Variants in OSTN observed in about 807,000 individuals in gnomAD.
OSTN encodes osteocrin.
OSTN carries 9 observed loss-of-function variants against 12.0 expected under a neutral mutation model. That is an observed-to-expected ratio of 0.75 (90% CI 0.45 to 1.30). OSTN has a LOEUF of 1.30. Among genes scored for constraint, OSTN ranks in the 50% most tolerant of loss-of-function variants. The probability of loss-of-function intolerance (pLI) is 0.00; values close to 1 mark genes in which losing one functional copy is unlikely to be tolerated. For missense variants in OSTN, 148 were observed against 152.3 expected, an observed-to-expected ratio of 0.97 and a Z score of 0.15; for synonymous variants, 59 against 56.9, an observed-to-expected ratio of 1.04 and a Z score of -0.16.
chr3:191,263,552 TA>T lies in OSTN; in HGVS notation c.*701del, dbSNP rs1161329298. The stretch of plus-strand genomic sequence containing the variant: ...CAGTAGTGTCTCATTAGGAGGGGAG[TA>T]AGCTCACACAGAGGTAAAAATGAAA... On this transcript the variant is annotated 3_prime_UTR_variant, in exon 5 of 5. Transcript: ENST00000682035. 6.6e-6 allele frequency: 1 copy of T among 151,944 alleles called. No individual in the cohort carries two copies. Among genetic ancestry groups the T allele is most frequent in the Non-Finnish European group, 1.5e-5 (1 of 67,986 alleles). The allele number at this position is 151,944 out of a possible 1,614,324, so 9.4% of individuals were successfully genotyped here.
At chr3:191,246,014 C>T (rs1715421819) in intron 3 of OSTN, among the ~76,000 whole-genome samples, 1 of 125,592 alleles carries the variant, frequency 8.0e-6, no homozygotes, top group African/African-American at 3.1e-5. Context: ...TTGCCGTGAA[C>T]TGAGATTGTG....
chr3:191,223,756 A>G (rs1394843441), intron 3 of OSTN, among the ~76,000 whole-genome samples: 1 of 152,118 alleles, frequency 6.6e-6, no homozygotes, highest in Non-Finnish European at 1.5e-5. Flanking sequence ...TATGAAAAAA[A>G]GCACGATAAA....
At chr3:191,216,128 C>T (rs1171504076) in intron 2 of OSTN, among the ~76,000 whole-genome samples, 1 of 152,116 alleles carries the variant, frequency 6.6e-6, no homozygotes, top group Admixed American at 6.5e-5. Flanking sequence ...AGCAGGCCCC[C>T]AAACATGTGT....
chr3:191,239,216 C>T (rs181163865), intron 3 of OSTN, among the ~76,000 whole-genome samples: 152 of 152,290 alleles, frequency 1.0e-3, no homozygotes, highest in African/African-American at 3.6e-3. Flanking sequence ...AGTGTGGGAG[C>T]GGGCCTGAGC....
At chr3:191,245,330 A>G (rs1256844907) in intron 3 of OSTN, among the ~76,000 whole-genome samples, 3 of 151,802 alleles carry the variant, frequency 2.0e-5, no homozygotes, top group African/African-American at 7.3e-5. Context: ...TAATGCATGA[A>G]ACAATCAAAT....
At chr3:191,199,610 G>A (rs937966870) in intron 1 of OSTN, among the ~76,000 whole-genome samples, 2 of 151,922 alleles carry the variant, frequency 1.3e-5, no homozygotes, top group Non-Finnish European at 2.9e-5. Flanking sequence ...GCGTTATTTT[G>A]CTTTCCTCAA....
chr3:191,261,373 T>C (rs1715806253), intron 4 of OSTN, among the ~76,000 whole-genome samples: 1 of 152,194 alleles, frequency 6.6e-6, no homozygotes, highest in Admixed American at 6.5e-5. Flanking sequence ...GCTCAGAGCA[T>C]GGCCAAAAAC....
intron 3 of OSTN, among the ~76,000 whole-genome samples, chr3:191,237,412 A>C (rs1715217623): frequency 6.6e-6 from 1 of 152,204 alleles, no homozygotes; most frequent in Admixed American, 6.6e-5. Context: ...CATAAAGCAG[A>C]AGAAGAAAGC....
chr3:191,244,722 T>A (rs1715391950), intron 3 of OSTN, among the ~76,000 whole-genome samples: 1 of 150,096 alleles, frequency 6.7e-6, no homozygotes, highest in South Asian at 2.1e-4. Flanking sequence ...ACCAGGCTAT[T>A]ATGGTTTCTG....
At chr3:191,223,804 A>G (rs185455392) in intron 3 of OSTN, among the ~76,000 whole-genome samples, 132 of 152,260 alleles carry the variant, frequency 8.7e-4, no homozygotes, top group Admixed American at 1.6e-3. Context: ...ATAAACTCAT[A>G]TGTAAGTTTT....
intron 3 of OSTN, among the ~76,000 whole-genome samples, chr3:191,224,706 C>A (rs955410220): frequency 6.6e-6 from 1 of 152,016 alleles, no homozygotes; most frequent in Non-Finnish European, 1.5e-5. Flanking sequence ...AACAAGAAGA[C>A]AGTCTTACCT....
At chr3:191,236,122 C>A (rs1715181879) in intron 3 of OSTN, among the ~76,000 whole-genome samples, 1 of 152,196 alleles carries the variant, frequency 6.6e-6, no homozygotes, top group African/African-American at 2.4e-5. Flanking sequence ...AAGTTTGTAG[C>A]AACCTCCTTT....
At chr3:191,222,735 T>G (rs1283193669) in intron 3 of OSTN, among the ~76,000 whole-genome samples, 1 of 152,076 alleles carries the variant, frequency 6.6e-6, no homozygotes, top group Non-Finnish European at 1.5e-5. Flanking sequence ...CCCATCCAAA[T>G]GTTGTCTTGA....
At chr3:191,235,307 A>G (rs1715162074) in intron 3 of OSTN, among the ~76,000 whole-genome samples, 1 of 152,196 alleles carries the variant, frequency 6.6e-6, no homozygotes, top group Non-Finnish European at 1.5e-5. Context: ...CATGAATACT[A>G]ATAAAGCTTC....
chr3:191,227,607 C>T (rs1231636786), intron 3 of OSTN, among the ~76,000 whole-genome samples: 1 of 152,040 alleles, frequency 6.6e-6, no homozygotes, highest in Admixed American at 6.6e-5. Flanking sequence ...AAACAAAATA[C>T]AGAAAAATTT....
intron 1 of OSTN, among the ~76,000 whole-genome samples, chr3:191,203,065 A>T (rs926712325): frequency 3.9e-5 from 6 of 152,256 alleles, no homozygotes; most frequent in African/African-American, 1.4e-4. Flanking sequence ...TAATGGATGT[A>T]TCAGGATTCC....
At position 191,212,767 on chromosome 3, in the gene OSTN, TATC is replaced by T. The variant is rs1270915148; in HGVS notation, c.102+136_102+138del. ...ATATAATTTATATATTTATATATCA[TATC>T]ATATATTTTATATAGAATATATATT... is the stretch of plus-strand genomic sequence containing the variant. On this transcript the variant is annotated intron_variant, in intron 2 of 4. Transcript: ENST00000682035. The T allele has an allele frequency of 2.8e-3, 439 of 157,986 alleles. 1 individual carries two copies. The highest frequency in any genetic ancestry group is 4.0e-3 in the Non-Finnish European group (356 of 88,200). The allele number at this position is 157,986 out of a possible 1,614,324, so 9.8% of individuals were successfully genotyped here.
At chr3:191,203,854 G>A (rs754740029) in intron 1 of OSTN, among the ~76,000 whole-genome samples, 5 of 152,240 alleles carry the variant, frequency 3.3e-5, no homozygotes, top group Middle Eastern at 6.8e-3. Flanking sequence ...AGAGCACTGA[G>A]AAATGGGAAG....
intron 1 of OSTN, among the ~76,000 whole-genome samples, chr3:191,206,387 C>G (rs1420739469): frequency 6.6e-6 from 1 of 152,064 alleles, no homozygotes; most frequent in Non-Finnish European, 1.5e-5. Context: ...ATCCCAAAAT[C>G]AAAGATTTGG....
Sources: gnomAD v4.1 joint callset for allele counts (sites outside exome capture counted in the v4.1 genomes callset) on GRCh38, gnomAD v4.1.1 for gene constraint, MANE v1.5 for transcripts, NCBI Gene and HGNC (gene_info 2026-07-23, HGNC 2026-07-21) for gene names.